PDE5A: variants seen among roughly 807,000 people sequenced by gnomAD.
PDE5A encodes phosphodiesterase 5A, also known as cGMP-specific 3',5'-cyclic phosphodiesterase.
Under a neutral mutation model 110.2 loss-of-function variants are expected in PDE5A, and 67 were observed. That is an observed-to-expected ratio of 0.61 (90% confidence interval 0.50 to 0.75). The LOEUF (loss-of-function observed/expected upper bound fraction) is 0.75, where lower values mean the gene tolerates loss of function less well. Among genes scored for constraint, PDE5A ranks in the 30% least tolerant of loss-of-function variants. The pLI is 0.00. For synonymous variants in PDE5A, 328 were observed against 351.2 expected, an observed-to-expected ratio of 0.93 and a Z score of 0.74; for missense variants, 862 against 1,045.1, an observed-to-expected ratio of 0.82 and a Z score of 2.42.
chr4:119,495,757 A>G lies in PDE5A; in HGVS notation c.*2844T>C, dbSNP rs186226795. The stretch of plus-strand genomic sequence containing the variant: ...GTTTGTACCTTGAAGCAATATACTC[A>G]ATGAGCTCTAAATCTCACATTCACT... On this transcript the variant is annotated 3_prime_UTR_variant, in exon 21 of 21. Coordinates refer to ENST00000354960, the MANE Select transcript of PDE5A (RefSeq NM_001083.4). 8.5e-5 allele frequency: 13 copies of G among 152,352 alleles called. No homozygotes were observed. The East Asian group carries it at 2.1e-3, about 25-fold the overall frequency. The allele number at this position is 152,352 out of a possible 1,614,324, so 9.4% of individuals were successfully genotyped here. A position where few individuals can be genotyped will look rare whatever the true frequency, so the allele number is the denominator to read the frequency against.
intron 3 of PDE5A, among the ~76,000 whole-genome samples, chr4:119,591,359 C>T (rs560984925): frequency 6.6e-6 from 1 of 152,310 alleles, no homozygotes; most frequent in South Asian, 2.1e-4. Context: ...AAGGTAGATC[C>T]TTTTATTGCC....
intron 9 of PDE5A, among the ~76,000 whole-genome samples, chr4:119,545,144 T>C (rs2110489455): frequency 6.6e-6 from 1 of 152,236 alleles, no homozygotes; most frequent in African/African-American, 2.4e-5. Flanking sequence ...GATAATCCCA[T>C]TGATCTCTTT....
chr4:119,556,435 A>G (rs1025109388), intron 7 of PDE5A, among the ~76,000 whole-genome samples: 3 of 152,226 alleles, frequency 2.0e-5, no homozygotes, highest in Non-Finnish European at 4.4e-5. Context: ...TGTAAGGTAG[A>G]AAGTCCAAAG....
chr4:119,532,967 C>G (rs1167052822), intron 11 of PDE5A, among the ~76,000 whole-genome samples: 5 of 152,120 alleles, frequency 3.3e-5, no homozygotes, highest in African/African-American at 1.2e-4. Context: ...TAATAGCCAA[C>G]TGCTAAGAAA....
Position 119,498,477 on chromosome 4 carries a change from TA to T in PDE5A, c.*123del. On this transcript the variant is annotated 3_prime_UTR_variant, in exon 21 of 21. Transcript: ENST00000354960. ...TATACTCTCAAAAGTTGTGCAAAAA[TA>T]AAAATACAGCAGTGGCAAAGTATAT... 1.9e-6 allele frequency: 2 copies of T among 1,059,608 alleles called. No individual in the cohort carries two copies. Among genetic ancestry groups the T allele is most frequent in the Non-Finnish European group, 2.7e-6 (2 of 734,578 alleles). The allele number at this position is 1,059,608 out of a possible 1,614,324, so 65.6% of individuals were successfully genotyped here. A position where few individuals can be genotyped will look rare whatever the true frequency, so the allele number is the denominator to read the frequency against.
intron 3 of PDE5A, among the ~76,000 whole-genome samples, chr4:119,575,061 C>T (rs965495267): frequency 3.9e-5 from 6 of 152,184 alleles, no homozygotes; most frequent in South Asian, 2.1e-4. Context: ...GTAGCCGATT[C>T]GATCAACTGG....
intron 12 of PDE5A, among the ~76,000 whole-genome samples, chr4:119,522,763 A>G (rs1726174142): frequency 6.6e-6 from 1 of 152,046 alleles, no homozygotes; most frequent in South Asian, 2.1e-4. Context: ...CAAGAAAATT[A>G]TGGTCATATC....
intron 3 of PDE5A, among the ~76,000 whole-genome samples, chr4:119,569,394 G>C (rs558645019): frequency 6.6e-6 from 1 of 151,994 alleles, no homozygotes; most frequent in East Asian, 1.9e-4. Flanking sequence ...AAAATGTATT[G>C]TATTAGGGGT....
intron 3 of PDE5A, among the ~76,000 whole-genome samples, chr4:119,567,482 C>T (rs1462996709): frequency 1.3e-5 from 2 of 152,106 alleles, no homozygotes; most frequent in Non-Finnish European, 2.9e-5. Context: ...ATTTTGATTA[C>T]AGTTCCAATA....
chr4:119,519,376 A>G lies in PDE5A; in HGVS notation c.1906-237T>C, dbSNP rs1223631259. On this transcript the variant is annotated intron_variant, in intron 13 of 20. Transcript: ENST00000354960. ...CAACAGGAAAAGCTGAAATGCCTCA[A>G]TAAATTAATAATCTGTCCACCTATA... 4 of 436,592 alleles carry G rather than the reference A, an allele frequency of 9.2e-6. No individual in the cohort carries two copies. In the East Asian group the frequency reaches 1.0e-4, roughly 11 times the overall value. 27.0% of individuals were successfully genotyped at this position (436,592 alleles called of 1,614,324 possible).
At chr4:119,541,098 A>G (rs1159634669) in intron 10 of PDE5A, among the ~76,000 whole-genome samples, 1 of 152,030 alleles carries the variant, frequency 6.6e-6, no homozygotes, top group Non-Finnish European at 1.5e-5. Flanking sequence ...GTGGGAATGG[A>G]TGGAGTGATA....
At chr4:119,530,917 T>G (rs1399128903) in intron 11 of PDE5A, among the ~76,000 whole-genome samples, 1 of 152,150 alleles carries the variant, frequency 6.6e-6, no homozygotes, top group Admixed American at 6.6e-5. Flanking sequence ...TTTGAAAAAT[T>G]TTAATAATTG....
chr4:119,581,447 A>G (rs754797213), intron 3 of PDE5A, among the ~76,000 whole-genome samples: 1 of 152,178 alleles, frequency 6.6e-6, no homozygotes, highest in Non-Finnish European at 1.5e-5. Context: ...GCGTGTATAT[A>G]TATGTACATA....
chr4:119,575,697 G>A (rs1728310491), intron 3 of PDE5A, among the ~76,000 whole-genome samples: 1 of 152,106 alleles, frequency 6.6e-6, no homozygotes, highest in African/African-American at 2.4e-5. Context: ...CACTAAATAT[G>A]GAAAGGAACA....
intron 2 of PDE5A, among the ~76,000 whole-genome samples, chr4:119,599,844 C>A (rs1337376127): frequency 6.6e-6 from 1 of 151,880 alleles, no homozygotes; most frequent in Non-Finnish European, 1.5e-5. Flanking sequence ...CTTAAGCTTA[C>A]ACACATGGTG....
chr4:119,562,850 C>T lies in PDE5A; in HGVS notation c.1114G>A (p.Val372Met), dbSNP rs1472743595. The stretch of plus-strand genomic sequence containing the variant: ...GTACTCACGGAGCAATCTTCATCCA[C>T]TATGAAAATGGTGCATTTCTGCACT... ...MQVQKCTIFI[V>M]DEDCSDSFSS... is the part of the protein sequence containing the mutation. Residue 372 changes from valine to methionine, a missense_variant, in exon 6 of 21, where the codon GTG becomes ATG. Val to Met is a conservative substitution (Grantham distance 21). Coordinates refer to ENST00000354960, the MANE Select transcript of PDE5A (RefSeq NM_001083.4). 1 of 1,576,508 alleles carries T rather than the reference C, an allele frequency of 6.3e-7. No individual in the cohort carries two copies. Among genetic ancestry groups the T allele is most frequent in the Non-Finnish European group, 8.6e-7 (1 of 1,166,850 alleles).
chr4:119,539,957 T>C (rs528080529), intron 10 of PDE5A, among the ~76,000 whole-genome samples: 6 of 152,232 alleles, frequency 3.9e-5, no homozygotes, highest in Non-Finnish European at 5.9e-5. Context: ...TTAAGTATAA[T>C]GCACATGTTC....
At position 119,596,617 on chromosome 4, in the gene PDE5A, T is replaced by C. The variant is rs199545602; in HGVS notation, c.742-5A>G. On this transcript the variant is annotated splice_polypyrimidine_tract_variant and splice_region_variant and intron_variant, in intron 2 of 20. Transcript: ENST00000354960. ...TTCTGCATTGAACCGAGGATCCTAG[T>C]ATGGAAAAAGAAATTCAATTTAATG... 8 of 1,535,172 alleles carry C rather than the reference T, an allele frequency of 5.2e-6. No homozygotes were observed. The highest frequency in any genetic ancestry group is 6.2e-6 in the Non-Finnish European group (7 of 1,122,418).
rs767567820 is a variant in PDE5A at position 119,567,043 on chromosome 4, T to C, written c.903+30A>G. The C allele has an allele frequency of 1.9e-5, 28 of 1,495,458 alleles. No homozygotes were observed. In the South Asian group the frequency reaches 3.0e-4, roughly 16 times the overall value. The allele number at this position is 1,495,458 out of a possible 1,614,324, so 92.6% of individuals were successfully genotyped here. ...TATAAAGAGAAAGCATCTTCCTAAA[T>C]TGGCTCATGTCTGACACAAGTTTTG... On this transcript the variant is annotated intron_variant, in intron 4 of 20. Transcript: ENST00000354960.
Sources: gnomAD v4.1 joint callset for allele counts (sites outside exome capture counted in the v4.1 genomes callset) on GRCh38, gnomAD v4.1.1 for gene constraint, MANE v1.5 for transcripts, NCBI Gene and HGNC (gene_info 2026-07-23, HGNC 2026-07-21) for gene names.